MAP2K6: variants seen among roughly 807,000 people sequenced by gnomAD.
MAP2K6 encodes mitogen-activated protein kinase kinase 6, also known as dual specificity mitogen-activated protein kinase kinase 6.
MAP2K6 carries 16 observed loss-of-function variants against 53.7 expected under a neutral mutation model. That is an observed-to-expected ratio of 0.30 (90% confidence interval 0.20 to 0.45). The LOEUF (loss-of-function observed/expected upper bound fraction) is 0.45. MAP2K6 is among the 20% of genes least tolerant of loss of function. The probability of loss-of-function intolerance (pLI) is 1.00; values close to 1 mark genes in which losing one functional copy is unlikely to be tolerated. For synonymous variants in MAP2K6, 132 were observed against 143.1 expected (o/e 0.92, Z 0.55); for missense variants, 204 against 411.9 (o/e 0.50, Z 4.37).
chr17:69,464,137 T>G (rs1277325992), intron 1 of MAP2K6, among the ~76,000 whole-genome samples: 2 of 152,064 alleles, frequency 1.3e-5, no homozygotes, highest in Non-Finnish European at 2.9e-5. Context: ...CAGGCTGGAG[T>G]GCAGTGGTGT....
At chr17:69,476,426 CT>C (rs1598280364) in intron 1 of MAP2K6, among the ~76,000 whole-genome samples, 1 of 152,202 alleles carries the variant, frequency 6.6e-6, no homozygotes, top group Admixed American at 6.5e-5. Flanking sequence ...CTAACTAAGC[CT>C]TTAACAGGCC....
chr17:69,531,026 T>C lies in MAP2K6; in HGVS notation c.881+4317T>C, dbSNP rs1911056980. The stretch of plus-strand genomic sequence containing the variant: ...TTTATTTTTCTCATGAATAAAGCTG[T>C]GTTATTGAGACATAACTTCATTAAA... On this transcript the variant is annotated intron_variant, in intron 10 of 11. Coordinates refer to ENST00000590474, the MANE Select transcript of MAP2K6 (RefSeq NM_002758.4). 2.0e-5 allele frequency among the ~76,000 whole-genome samples: 3 copies of C among 152,126 alleles called. No individual in the cohort carries two copies. In the South Asian group the frequency reaches 6.2e-4, roughly 32 times the overall value.
In MAP2K6 at chr17:69,549,535, A is replaced by G. The variant is rs1200312119; in HGVS notation, c.*7782A>G. 6.6e-6 allele frequency: 1 copy of G among 152,144 alleles called. No homozygotes were observed. Among genetic ancestry groups the G allele is most frequent in the Non-Finnish European group, 1.5e-5 (1 of 68,020 alleles). 9.4% of individuals were successfully genotyped at this position (152,144 alleles called of 1,614,324 possible). ...TTTGTGGTAAGGAACTGATCTGGCC[A>G]TTTTCATATAACAAAAATCAAAGTC... is the stretch of plus-strand genomic sequence containing the variant. On this transcript the variant is annotated 3_prime_UTR_variant, in exon 12 of 12. Transcript: ENST00000590474.
chr17:69,447,640 C>G (rs1907017917), intron 1 of MAP2K6, among the ~76,000 whole-genome samples: 1 of 152,148 alleles, frequency 6.6e-6, no homozygotes, highest in South Asian at 2.1e-4. Context: ...GCCACCATGC[C>G]CGGCTAGGAA....
intron 2 of MAP2K6, among the ~76,000 whole-genome samples, chr17:69,506,690 C>G (rs1432928549): frequency 6.6e-6 from 1 of 152,150 alleles, no homozygotes; most frequent in East Asian, 1.9e-4. Context: ...AAGTGCACCC[C>G]TAGTGTTGGA....
Position 69,451,573 on chromosome 17 carries a change from A to G in MAP2K6, c.16+36573A>G, listed in dbSNP as rs533540954. On this transcript the variant is annotated intron_variant, in intron 1 of 11. Coordinates refer to ENST00000590474, the MANE Select transcript of MAP2K6 (RefSeq NM_002758.4). ...GGGGAGATTTGCATACAGGAAGTTTACTGGGGAGTGTTCTTGGGACCAGCA... is the reference window on the plus strand; with the variant it reads ...GGGGAGATTTGCATACAGGAAGTTTGCTGGGGAGTGTTCTTGGGACCAGCA... Among the ~76,000 whole-genome samples, 3 of 152,304 alleles carry G rather than the reference A, an allele frequency of 2.0e-5. No homozygotes were observed. In the South Asian group the frequency reaches 6.2e-4, roughly 32 times the overall value.
chr17:69,478,242 C>T (rs1418094416), intron 1 of MAP2K6, among the ~76,000 whole-genome samples: 1 of 152,190 alleles, frequency 6.6e-6, no homozygotes, highest in Non-Finnish European at 1.5e-5. Flanking sequence ...GGAAATTCAA[C>T]CAAAGAGGCC....
At chr17:69,442,686 G>A (rs1906859051) in intron 1 of MAP2K6, among the ~76,000 whole-genome samples, 1 of 152,138 alleles carries the variant, frequency 6.6e-6, no homozygotes, top group African/African-American at 2.4e-5. Context: ...AGTTCCCTTT[G>A]TCCCTTTGTC....
intron 1 of MAP2K6, among the ~76,000 whole-genome samples, chr17:69,436,745 C>T (rs1906654287): frequency 6.6e-6 from 1 of 152,156 alleles, no homozygotes; most frequent in Non-Finnish European, 1.5e-5. Context: ...ATTAGGGACA[C>T]TGACCCCCCC....
At chr17:69,476,925 C>T (rs1320635286) in intron 1 of MAP2K6, among the ~76,000 whole-genome samples, 2 of 152,146 alleles carry the variant, frequency 1.3e-5, no homozygotes, top group Non-Finnish European at 2.9e-5. Context: ...CATCCATGGG[C>T]CCATTGTGCT....
intron 1 of MAP2K6, among the ~76,000 whole-genome samples, chr17:69,499,313 G>A (rs1488958887): frequency 6.6e-6 from 1 of 152,172 alleles, no homozygotes. Flanking sequence ...ACATGGAAGG[G>A]ACAAAAGGAA....
intron 10 of MAP2K6, among the ~76,000 whole-genome samples, chr17:69,535,188 T>C (rs1911292522): frequency 6.6e-6 from 1 of 152,206 alleles, no homozygotes; most frequent in Non-Finnish European, 1.5e-5. Context: ...CGCATGACCA[T>C]AAAGTATTTC....
chr17:69,479,997 A>T (rs1348502211), intron 1 of MAP2K6, among the ~76,000 whole-genome samples: 1 of 151,936 alleles, frequency 6.6e-6, no homozygotes, highest in African/African-American at 2.4e-5. Context: ...TGGCCTCCCA[A>T]CTCTAGCTGC....
At chr17:69,472,335 T>C (rs1347992244) in intron 1 of MAP2K6, among the ~76,000 whole-genome samples, 1 of 152,106 alleles carries the variant, frequency 6.6e-6, no homozygotes, top group East Asian at 1.9e-4. Context: ...ATAAGCAAGA[T>C]TTGTAGTGCA....
chr17:69,482,343 C>T (rs1908377149), intron 1 of MAP2K6, among the ~76,000 whole-genome samples: 1 of 151,912 alleles, frequency 6.6e-6, no homozygotes, highest in East Asian at 1.9e-4. Context: ...GTACTATATT[C>T]ACTTGGTTCA....
chr17:69,517,466 TTTCCCA>T, intron 3 of MAP2K6, 28 bp from the exon 4 acceptor site: 2 of 1,239,588 alleles, frequency 1.6e-6, no homozygotes, highest in South Asian at 2.7e-5. Flanking sequence ...TATTTTTCTC[TTTCCCA>T]TTGCATTATT....
At chr17:69,431,406 A>G (rs2145137525) in intron 1 of MAP2K6, among the ~76,000 whole-genome samples, 1 of 152,152 alleles carries the variant, frequency 6.6e-6, no homozygotes, top group Middle Eastern at 3.4e-3. Context: ...TTAAGTTATC[A>G]AATACTCACT....
intron 11 of MAP2K6, 89 bp downstream of exon 11, chr17:69,536,249 A>G (rs1246736892): frequency 1.1e-6 from 1 of 912,054 alleles, no homozygotes; most frequent in Non-Finnish European, 1.8e-6. Flanking sequence ...ACATCACCAT[A>G]TTGGAAGAGT....
At chr17:69,496,809 C>A (rs1423262841) in intron 1 of MAP2K6, among the ~76,000 whole-genome samples, 2 of 152,080 alleles carry the variant, frequency 1.3e-5, no homozygotes, top group Non-Finnish European at 2.9e-5. Context: ...TGCGTCCCGT[C>A]CCTGCAGCAT....
Sources: allele counts gnomAD v4.1 joint callset (sites outside exome capture counted in the v4.1 genomes callset), GRCh38; gene constraint gnomAD v4.1.1; transcripts MANE v1.5; gene names NCBI Gene and HGNC (gene_info 2026-07-23, HGNC 2026-07-21).